ASTN1: variants seen among roughly 807,000 people sequenced by gnomAD.
ASTN1 encodes the protein astrotactin 1.
ASTN1 carries 41 observed loss-of-function variants against 140.7 expected under a neutral mutation model. The observed-to-expected ratio is 0.29, with a 90% CI of 0.23 to 0.38. The LOEUF is 0.38. Among genes scored for constraint, ASTN1 ranks in the 10% least tolerant of loss-of-function variants. ASTN1 has a pLI of 1.00. For synonymous variants in ASTN1, 640 were observed against 652.2 expected (o/e 0.98, Z 0.29); for missense variants, 1,479 against 1,678.8 (o/e 0.88, Z 2.08).
intron 1 of ASTN1, among the ~76,000 whole-genome samples, chr1:177,087,240 G>A (rs1386060417): frequency 6.6e-6 from 1 of 152,168 alleles, no homozygotes; most frequent in Non-Finnish European, 1.5e-5. Flanking sequence ...TGAAGGGTCA[G>A]GCACCAAGAA....
intron 8 of ASTN1, among the ~76,000 whole-genome samples, chr1:177,014,148 G>C (rs904994324): frequency 6.6e-6 from 1 of 151,228 alleles, no homozygotes. Context: ...ATGGTTAAAT[G>C]ACACATTGTA....
chr1:177,154,057 T>C (rs1302334451), intron 1 of ASTN1, among the ~76,000 whole-genome samples: 1 of 152,288 alleles, frequency 6.6e-6, no homozygotes, highest in South Asian at 2.1e-4. Flanking sequence ...ATAATCTTTA[T>C]AAACCAGCAA....
In ASTN1 at chr1:177,164,615, G is replaced by A. The variant is rs913982362; in HGVS notation, c.62C>T (p.Ala21Val). 1.2e-6 allele frequency: 2 copies of A among 1,609,476 alleles called. No homozygotes were observed. The highest frequency in any genetic ancestry group is 2.2e-5 in the East Asian group (1 of 44,716). ...ACCWGPAAVL[A>V]TAAGDVDPSK... ...TGGATCCACGTCGCCGGCGGCCGTG[G>A]CCAGCACCGCCGCCGGCCCCCAGCA... is the stretch of plus-strand genomic sequence containing the variant. Residue 21 changes from alanine to valine, a missense_variant, in exon 1 of 23, where the codon GCC becomes GTC. By Grantham distance (64) the Ala-to-Val change is moderately conservative. This residue lies in a region of ASTN1 where 729 missense variants were observed against 860.4 expected (regional missense o/e 0.85). Coordinates refer to ENST00000361833, the MANE Select transcript of ASTN1 (RefSeq NM_004319.3).
In ASTN1 at chr1:177,031,268, T is replaced by G. The variant is rs142500191; in HGVS notation, c.866-316A>C. On this transcript the variant is annotated intron_variant, in intron 3 of 22. Transcript: ENST00000361833. ...CTTTGGCTAAATACAGACTGCAGAT[T>G]TCTTTATTTTTGGTCAGCACAGAGT... 1.5e-4 allele frequency among the ~76,000 whole-genome samples: 23 copies of G among 152,312 alleles called. 1 individual carries two copies. The highest frequency in any genetic ancestry group is 1.5e-3 in the Admixed American group (23 of 15,310).
intron 1 of ASTN1, among the ~76,000 whole-genome samples, chr1:177,158,107 C>T (rs1683315124): frequency 6.6e-6 from 1 of 152,136 alleles, no homozygotes; most frequent in Non-Finnish European, 1.5e-5. Flanking sequence ...ACTGCAAAAG[C>T]ATCAGGCATA....
At chr1:177,030,993 G>A in intron 3 of ASTN1, 41 bp from the exon 4 acceptor site, 2 of 1,579,954 alleles carry the variant, frequency 1.3e-6, no homozygotes, top group South Asian at 1.2e-5. Context: ...TAAGAGAAAA[G>A]ACCAAAAGAA....
chr1:177,002,074 T>G (rs948413577), intron 8 of ASTN1, among the ~76,000 whole-genome samples: 2 of 152,076 alleles, frequency 1.3e-5, no homozygotes, highest in Non-Finnish European at 2.9e-5. Flanking sequence ...CCCACAGAAG[T>G]CTAGGGACCC....
intron 2 of ASTN1, among the ~76,000 whole-genome samples, chr1:177,047,391 G>A (rs1364293739): frequency 6.6e-6 from 1 of 152,154 alleles, no homozygotes; most frequent in East Asian, 1.9e-4. Flanking sequence ...ATGACTGATT[G>A]TCAGGGTAGC....
In ASTN1 at chr1:176,957,691, G is replaced by C; in HGVS notation, c.1874C>G (p.Ser625Cys). ...FRCISDRKLD[S>C]TGCVCPSGLS... ...GGGCAGACCTACCACGCAACCAGTGGAGTCCAGCTTGCGATCTGAAATACA... is the reference window on the plus strand; with the variant it reads ...GGGCAGACCTACCACGCAACCAGTGCAGTCCAGCTTGCGATCTGAAATACA... The change falls in exon 11 of 23, where the codon TCC becomes TGC. Residue 625 changes from serine (S) to cysteine (C), a missense_variant. Physicochemically the swap from Ser to Cys is moderately radical, Grantham distance 112 (BLOSUM62 -1). Transcript: ENST00000361833. The C allele has an allele frequency of 6.2e-7, 1 of 1,614,026 alleles. No individual in the cohort carries two copies. The highest frequency in any genetic ancestry group is 8.5e-7 in the Non-Finnish European group (1 of 1,179,972).
intron 16 of ASTN1, among the ~76,000 whole-genome samples, chr1:176,900,285 T>C (rs943379061): frequency 1.1e-4 from 16 of 152,204 alleles, no homozygotes; most frequent in African/African-American, 3.6e-4. Flanking sequence ...CATCTACTTA[T>C]ATGTCCTACA....
intron 16 of ASTN1, among the ~76,000 whole-genome samples, chr1:176,897,339 A>G (rs1191923908): frequency 6.6e-6 from 1 of 151,832 alleles, no homozygotes; most frequent in African/African-American, 2.4e-5. Context: ...AAAAAAAATC[A>G]GTAAAGATAC....
In ASTN1 at chr1:177,075,605, TTTTC is replaced by T. The variant is rs202178811; in HGVS notation, c.284-14344_284-14341del. On this transcript the variant is annotated intron_variant, in intron 1 of 22. Coordinates refer to ENST00000361833, the MANE Select transcript of ASTN1 (RefSeq NM_004319.3). ...TGCTTTTCTTTTTCTGAGCAACATT[TTTTC>T]TTTCTTTCTTTCTTTCTTTTCTTTT... Among the ~76,000 whole-genome samples, 103 of 151,338 alleles carry T rather than the reference TTTTC, an allele frequency of 6.8e-4. 1 individual carries two copies. The highest frequency in any genetic ancestry group is 1.9e-3 in the African/African-American group (80 of 41,354).
chr1:176,970,117 C>T (rs1184574620), intron 8 of ASTN1, among the ~76,000 whole-genome samples: 1 of 152,238 alleles, frequency 6.6e-6, no homozygotes, highest in Non-Finnish European at 1.5e-5. Context: ...TAAGCACTGG[C>T]AATTTTCAAG....
At chr1:176,899,712 C>T (rs1557945314) in intron 16 of ASTN1, among the ~76,000 whole-genome samples, 1 of 152,168 alleles carries the variant, frequency 6.6e-6, no homozygotes, top group Non-Finnish European at 1.5e-5. Flanking sequence ...CTGCTCAAGC[C>T]AGATGTCCTC....
At chr1:176,983,309 C>T (rs1037020623) in intron 8 of ASTN1, among the ~76,000 whole-genome samples, 5 of 152,128 alleles carry the variant, frequency 3.3e-5, no homozygotes, top group Non-Finnish European at 5.9e-5. Flanking sequence ...CCAGCACTCC[C>T]ACTGGACTCC....
chr1:176,952,230 T>A (rs1320963760), intron 11 of ASTN1, among the ~76,000 whole-genome samples: 4 of 151,918 alleles, frequency 2.6e-5, no homozygotes, highest in Non-Finnish European at 4.4e-5. Flanking sequence ...CAGCCTAGTA[T>A]TTTCTTTCTT....
chr1:176,940,682 G>A (rs1671677172), intron 14 of ASTN1, among the ~76,000 whole-genome samples: 1 of 152,076 alleles, frequency 6.6e-6, no homozygotes, highest in African/African-American at 2.4e-5. Context: ...CTTGGTCTTT[G>A]TTTATTTCCA....
At chr1:176,915,107 A>ATATTGTACTT (rs1670424772) in intron 16 of ASTN1, among the ~76,000 whole-genome samples, 1 of 152,198 alleles carries the variant, frequency 6.6e-6, no homozygotes, top group Admixed American at 6.5e-5. Context: ...CAAGTACCCA[A>ATATTGTACTT]GGAAAAAATA....
chr1:176,928,259 C>G (rs1671057810), intron 16 of ASTN1, among the ~76,000 whole-genome samples: 1 of 152,032 alleles, frequency 6.6e-6, no homozygotes, highest in Non-Finnish European at 1.5e-5. Flanking sequence ...CAGTGGTTGC[C>G]TGATTGCCTC....
Sources: allele counts gnomAD v4.1 joint callset (sites outside exome capture counted in the v4.1 genomes callset), GRCh38; gene constraint gnomAD v4.1.1; regional missense constraint gnomAD v4.1.1; transcripts MANE v1.5; gene names NCBI Gene and HGNC (gene_info 2026-07-23, HGNC 2026-07-21).